The following NKD1 variants were observed in gnomAD, a reference collection of about 807,000 sequenced individuals.
NKD1 encodes protein naked cuticle homolog 1.
NKD1 carries 21 observed loss-of-function variants against 56.0 expected under a neutral mutation model. That is an observed-to-expected ratio of 0.38 (90% CI 0.27 to 0.54). The LOEUF is 0.54. Among genes scored for constraint, NKD1 ranks in the 20% least tolerant of loss-of-function variants. NKD1 has a pLI of 0.82. For synonymous variants in NKD1, 263 were observed against 265.7 expected, an observed-to-expected ratio of 0.99 and a Z score of 0.10; for missense variants, 578 against 642.7, an observed-to-expected ratio of 0.90 and a Z score of 1.09.
In NKD1 at chr16:50,548,992, C is replaced by T. The variant is rs920677555; in HGVS notation, c.58+243C>T. On this transcript the variant is annotated intron_variant, in intron 2 of 9. Coordinates refer to ENST00000268459, the MANE Select transcript of NKD1 (RefSeq NM_033119.5). Reference sequence around the variant, plus strand: ...AACCCCTCCCCCTCCCGCGTCCCTGCCCTCGGCTCTCACGGCACCCTCTCT... The same window carrying T: ...AACCCCTCCCCCTCCCGCGTCCCTGTCCTCGGCTCTCACGGCACCCTCTCT... The T allele has an allele frequency of 3.3e-6, 3 of 903,022 alleles. No individual in the cohort carries two copies. In the African/African-American group the frequency reaches 5.6e-5, roughly 17 times the overall value. 55.9% of individuals were successfully genotyped at this position (903,022 alleles called of 1,614,324 possible).
At chr16:50,590,273 T>C (rs1596724844) in intron 3 of NKD1, among the ~76,000 whole-genome samples, 1 of 152,358 alleles carries the variant, frequency 6.6e-6, no homozygotes, top group Middle Eastern at 3.4e-3. Flanking sequence ...CTGATACTTT[T>C]GTGTTTGTTC....
intron 3 of NKD1, among the ~76,000 whole-genome samples, chr16:50,565,244 G>A (rs374302799): frequency 1.3e-5 from 2 of 151,900 alleles, no homozygotes; most frequent in African/African-American, 4.8e-5. Flanking sequence ...CCCAGGTGTG[G>A]GCCTGTAGTC....
chr16:50,622,427 T>C (rs1295856452), intron 5 of NKD1, among the ~76,000 whole-genome samples: 1 of 152,018 alleles, frequency 6.6e-6, no homozygotes, highest in Non-Finnish European at 1.5e-5. Flanking sequence ...TGGCCAGTGC[T>C]GAGAGCCAGG....
At chr16:50,550,884 G>A (rs1415652239) in intron 3 of NKD1, among the ~76,000 whole-genome samples, 7 of 152,066 alleles carry the variant, frequency 4.6e-5, no homozygotes, top group East Asian at 3.8e-4. Flanking sequence ...TCAAGTTTTG[G>A]GTTTTTTCAG....
In NKD1 at chr16:50,562,996, C is replaced by T. The variant is rs933192963; in HGVS notation, c.192+13441C>T. Reference sequence around the variant, plus strand: ...CTAGGTCCCACCACCACCCCCCCCCCCCGCCGTAGAATGGGTAGAAGAAGG... The same window carrying T: ...CTAGGTCCCACCACCACCCCCCCCCTCCGCCGTAGAATGGGTAGAAGAAGG... On this transcript the variant is annotated intron_variant, in intron 3 of 9. Coordinates refer to ENST00000268459, the MANE Select transcript of NKD1 (RefSeq NM_033119.5). Among the ~76,000 whole-genome samples, 11 of 133,674 alleles carry T rather than the reference C, an allele frequency of 8.2e-5. No homozygotes were observed. In the South Asian group the frequency reaches 1.4e-3, roughly 17 times the overall value. 87.7% of individuals were successfully genotyped at this position (133,674 alleles called of 152,430 possible).
chr16:50,632,099 C>T lies in NKD1; in HGVS notation c.696-182C>T, dbSNP rs570933976. Among the ~76,000 whole-genome samples, 25 of 152,330 alleles carry T rather than the reference C, an allele frequency of 1.6e-4. No individual in the cohort carries two copies. Among genetic ancestry groups the T allele is most frequent in the African/African-American group, 5.8e-4 (24 of 41,572 alleles). ...TGTGGTCTATGGTCTGTCTCTCCAT[C>T]GGCAAGGAGGGAAATGGAGGCACAG... On this transcript the variant is annotated intron_variant, in intron 8 of 9. Transcript: ENST00000268459. This position sits in a 1 kb window ranked among gnomAD's most constrained non-coding sequence, Gnocchi z 4.1.
chr16:50,608,173 C>T lies in NKD1; in HGVS notation c.193-121C>T, dbSNP rs1961756349. On this transcript the variant is annotated intron_variant, in intron 3 of 9. Coordinates refer to ENST00000268459, the MANE Select transcript of NKD1 (RefSeq NM_033119.5). ...ACTTTTCAGGTGCAATAGGATCTGC[C>T]TCAGTTGACCTGAATTCCAATCAGA... The T allele has an allele frequency of 3.9e-6, 3 of 773,896 alleles. No individual in the cohort carries two copies. The African/African-American group carries it at 5.1e-5, about 13-fold the overall frequency. The allele number at this position is 773,896 out of a possible 1,614,324, so 47.9% of individuals were successfully genotyped here.
At chr16:50,627,586 C>T (rs1257514117) in intron 6 of NKD1, among the ~76,000 whole-genome samples, 1 of 152,220 alleles carries the variant, frequency 6.6e-6, no homozygotes, top group Non-Finnish European at 1.5e-5. Context: ...ATACAGTTCC[C>T]TTCCACGCCT....
intron 3 of NKD1, among the ~76,000 whole-genome samples, chr16:50,573,344 C>T (rs1306671287): frequency 6.6e-6 from 1 of 152,234 alleles, no homozygotes; most frequent in East Asian, 1.9e-4. Context: ...CCTCCTGATG[C>T]TGAAGTTGCC....
At chr16:50,587,534 G>A (rs534100804) in intron 3 of NKD1, among the ~76,000 whole-genome samples, 2 of 152,322 alleles carry the variant, frequency 1.3e-5, no homozygotes, top group East Asian at 3.9e-4. Flanking sequence ...GTCTGACATG[G>A]AAAAATTGCT....
chr16:50,568,861 A>G (rs1960821734), intron 3 of NKD1, among the ~76,000 whole-genome samples: 1 of 152,174 alleles, frequency 6.6e-6, no homozygotes, highest in South Asian at 2.1e-4. Flanking sequence ...AATGTGGAAG[A>G]AGGATGCATG....
rs1555489626 is a variant in NKD1, at chr16:50,598,262, T to TGCGCGCGCGCGC, written c.193-10026_193-10025insGCGCGCGCGCGC. ...GTGTGTGTGTGTGTGTGTGTGTGTG[T>TGCGCGCGCGCGC]GCGCGCACACCTGTGCTCATGGACA... On this transcript the variant is annotated intron_variant, in intron 3 of 9. Transcript: ENST00000268459. The surrounding 1 kb of genome is among the most constrained non-coding windows in gnomAD (Gnocchi z 4.2). 6.7e-6 allele frequency among the ~76,000 whole-genome samples: 1 copy of TGCGCGCGCGCGC among 148,566 alleles called. No individual in the cohort carries two copies. The highest frequency in any genetic ancestry group is 2.6e-5 in the African/African-American group (1 of 39,052).
chr16:50,560,062 C>G (rs1176858233), intron 3 of NKD1, among the ~76,000 whole-genome samples: 3 of 152,096 alleles, frequency 2.0e-5, no homozygotes, highest in African/African-American at 7.2e-5. Flanking sequence ...CCAGAGGGAG[C>G]CTTGTTCCAG....
intron 5 of NKD1, chr16:50,625,254 C>G: frequency 3.5e-6 from 2 of 568,682 alleles, no homozygotes; most frequent in Admixed American, 6.2e-5. Context: ...CCACAGACCA[C>G]CAGGCACCCC....
At chr16:50,588,426 A>G (rs1191606377) in intron 3 of NKD1, among the ~76,000 whole-genome samples, 1 of 152,114 alleles carries the variant, frequency 6.6e-6, no homozygotes, top group African/African-American at 2.4e-5. Context: ...TTGTTTTGCC[A>G]TTGTTTCTGC....
chr16:50,613,388 G>A (rs1596743516), intron 4 of NKD1, among the ~76,000 whole-genome samples: 2 of 152,194 alleles, frequency 1.3e-5, no homozygotes, highest in South Asian at 2.1e-4. Flanking sequence ...GGCTTCCCAG[G>A]AAGGCTGGGA....
At chr16:50,603,053 A>G (rs1961631658) in intron 3 of NKD1, among the ~76,000 whole-genome samples, 1 of 152,254 alleles carries the variant, frequency 6.6e-6, no homozygotes, top group Admixed American at 6.5e-5. Flanking sequence ...TGTTGGGAAG[A>G]GGAGAGAAAC....
At chr16:50,626,417 A>AGGTCCAGGGGAGGCCTCCTGGAG (rs957268814) in intron 6 of NKD1, among the ~76,000 whole-genome samples, 71 of 152,240 alleles carry the variant, frequency 4.7e-4, no homozygotes, top group African/African-American at 1.5e-3. Context: ...ACTGGCTGGA[A>AGGTCCAGGGGAGGCCTCCTGGAG]GGTCCAGGGG....
rs1040229042 is a variant in NKD1, at chr16:50,623,654, G to A, written c.367-1831G>A. On this transcript the variant is annotated intron_variant, in intron 5 of 9. Transcript: ENST00000268459. This position sits in a 1 kb window ranked among gnomAD's most constrained non-coding sequence, Gnocchi z 4.1. Reference sequence around the variant, plus strand: ...CTAGGAGACCCGCATGTGACAGGTGGGACAAGTGGCCAGTTACTCAACTCA... The same window carrying A: ...CTAGGAGACCCGCATGTGACAGGTGAGACAAGTGGCCAGTTACTCAACTCA... Among the ~76,000 whole-genome samples the A allele has an allele frequency of 6.6e-6, 1 of 151,900 alleles. No individual in the cohort carries two copies.
Sources: gnomAD v4.1 joint callset for allele counts (sites outside exome capture counted in the v4.1 genomes callset) on GRCh38, gnomAD v4.1.1 for gene constraint, Gnocchi (gnomAD v3.1) non-coding constraint, MANE v1.5 for transcripts, NCBI Gene and HGNC (gene_info 2026-07-23, HGNC 2026-07-21) for gene names.